PIK3C2G: variants seen among roughly 807,000 people sequenced by gnomAD.
The protein encoded by PIK3C2G is phosphatidylinositol 3-kinase C2 domain-containing subunit gamma.
In PIK3C2G, 168 loss-of-function variants were observed where a neutral mutation model predicts 181.1. That is an observed-to-expected ratio of 0.93 (90% CI 0.82 to 1.05). The LOEUF is 1.05. Among genes scored for constraint, PIK3C2G ranks in the 50% least tolerant of loss-of-function variants. PIK3C2G has a pLI of 0.00. For missense variants in PIK3C2G, 1,869 were observed against 1,732.8 expected, an observed-to-expected ratio of 1.08 and a Z score of -1.40; for synonymous variants, 573 against 592.2, an observed-to-expected ratio of 0.97 and a Z score of 0.47.
chr12:18,543,472 A>G (rs1345166609), intron 25 of PIK3C2G, among the ~76,000 whole-genome samples: 1 of 151,884 alleles, frequency 6.6e-6, no homozygotes, highest in East Asian at 1.9e-4. Context: ...GCCCATTCCT[A>G]TGTCCAGGAT....
intron 1 of PIK3C2G, among the ~76,000 whole-genome samples, chr12:18,279,002 T>A (rs1949099906): frequency 6.6e-6 from 1 of 152,042 alleles, no homozygotes; most frequent in East Asian, 1.9e-4. Context: ...ATTTCAAGCT[T>A]GCTGTGAGAA....
the PIK3C2G span, among the ~76,000 whole-genome samples, chr12:18,710,760 G>T: frequency 6.6e-6 from 1 of 152,072 alleles, no homozygotes; most frequent in Non-Finnish European, 1.5e-5. Context: ...AGACATTTAT[G>T]CAGCCAAAAA....
intron 29 of PIK3C2G, among the ~76,000 whole-genome samples, chr12:18,573,683 C>G (rs150570338): frequency 6.6e-6 from 1 of 152,250 alleles, no homozygotes; most frequent in East Asian, 1.9e-4. Flanking sequence ...ATGGCCTAAC[C>G]TACTATCACC....
At chr12:18,321,694 G>A (rs1370228753) in intron 7 of PIK3C2G, among the ~76,000 whole-genome samples, 1 of 152,028 alleles carries the variant, frequency 6.6e-6, no homozygotes, top group Non-Finnish European at 1.5e-5. Context: ...CAAAGACATG[G>A]GATCAACCCA....
the PIK3C2G span, among the ~76,000 whole-genome samples, chr12:18,726,567 T>A: frequency 6.6e-6 from 1 of 152,234 alleles, no homozygotes; most frequent in South Asian, 2.1e-4. Context: ...GAAAATAAAA[T>A]TCAAAATAAT....
the PIK3C2G span, chr12:18,715,709 A>G: frequency 6.6e-6 from 1 of 152,180 alleles, no homozygotes; most frequent in Non-Finnish European, 1.5e-5. Context: ...CACCCACACT[A>G]AAGTGCAGCC....
chr12:18,511,551 T>C (rs1389014953), intron 24 of PIK3C2G, among the ~76,000 whole-genome samples: 2 of 152,152 alleles, frequency 1.3e-5, no homozygotes, highest in African/African-American at 4.8e-5. Flanking sequence ...GTGGCTCTAA[T>C]CGCATTTCCT....
intron 1 of PIK3C2G, among the ~76,000 whole-genome samples, chr12:18,268,217 T>C (rs2137036220): frequency 6.6e-6 from 1 of 152,300 alleles, no homozygotes; most frequent in East Asian, 1.9e-4. Context: ...AAAAATTTAG[T>C]TGACTGAATG....
intron 31 of PIK3C2G, among the ~76,000 whole-genome samples, chr12:18,629,189 C>T (rs1382475656): frequency 6.6e-6 from 1 of 152,144 alleles, no homozygotes; most frequent in Admixed American, 6.6e-5. Flanking sequence ...ATCACCAGAG[C>T]AAAGGAATGT....
chr12:18,504,873 A>G (rs1050174500), intron 23 of PIK3C2G, among the ~76,000 whole-genome samples: 1 of 152,222 alleles, frequency 6.6e-6, no homozygotes, highest in East Asian at 1.9e-4. Flanking sequence ...CAAAATTTCA[A>G]ATATTCAACC....
chr12:18,348,126 C>T (rs958367249), intron 11 of PIK3C2G, among the ~76,000 whole-genome samples: 1 of 151,612 alleles, frequency 6.6e-6, no homozygotes, highest in Non-Finnish European at 1.5e-5. Context: ...ATCCCTATAG[C>T]CGGATAAATA....
intron 11 of PIK3C2G, among the ~76,000 whole-genome samples, chr12:18,356,606 G>T (rs899051170): frequency 3.9e-4 from 59 of 152,032 alleles, no homozygotes; most frequent in Non-Finnish European, 7.5e-4. Context: ...TAGGTCACAT[G>T]AACAAATTGA....
chr12:18,584,911 T>A (rs951329116), intron 29 of PIK3C2G, among the ~76,000 whole-genome samples: 18 of 151,886 alleles, frequency 1.2e-4, no homozygotes, highest in East Asian at 5.8e-4. Context: ...AGAAAAAAAA[T>A]CTTCAACCAA....
At chr12:18,496,669 G>A (rs557570582) in intron 21 of PIK3C2G, among the ~76,000 whole-genome samples, 23 of 152,216 alleles carry the variant, frequency 1.5e-4, no homozygotes, top group South Asian at 6.2e-4. Context: ...TTATAAGCAC[G>A]TAGGAAAGAG....
At chr12:18,716,272 A>C in the PIK3C2G span, among the ~76,000 whole-genome samples, 2 of 152,246 alleles carry the variant, frequency 1.3e-5, no homozygotes, top group Admixed American at 1.3e-4. Context: ...ACCAAGAACT[A>C]TATTGTGAAA....
intron 17 of PIK3C2G, among the ~76,000 whole-genome samples, chr12:18,422,327 A>AGAG (rs1945535735): frequency 6.6e-6 from 1 of 151,990 alleles, no homozygotes; most frequent in Admixed American, 6.6e-5. Flanking sequence ...ATTTAAAAAA[A>AGAG]AAACACTGGA....
chr12:18,694,472 G>T, the PIK3C2G span, among the ~76,000 whole-genome samples: 1 of 152,066 alleles, frequency 6.6e-6, no homozygotes, highest in East Asian at 1.9e-4. Flanking sequence ...GACATATGGG[G>T]GGAAGAATCC....
At chr12:18,564,563 C>G (rs1259358858) in intron 28 of PIK3C2G, among the ~76,000 whole-genome samples, 2 of 151,572 alleles carry the variant, frequency 1.3e-5, no homozygotes, top group Non-Finnish European at 2.9e-5. Flanking sequence ...AAAAACTGTA[C>G]TGGCATATGT....
chr12:18,502,347 A>T (rs187151893), intron 22 of PIK3C2G, among the ~76,000 whole-genome samples: 11 of 152,336 alleles, frequency 7.2e-5, no homozygotes, highest in African/African-American at 2.4e-4. Context: ...TGGTCAATTT[A>T]AAAAACTCAA....
Sources: gnomAD v4.1 joint callset for allele counts (sites outside exome capture counted in the v4.1 genomes callset) on GRCh38, gnomAD v4.1.1 for gene constraint, MANE v1.5 for transcripts, NCBI Gene and HGNC (gene_info 2026-07-23, HGNC 2026-07-21) for gene names.